The following PCM1 variants were observed in gnomAD, a reference collection of about 807,000 sequenced individuals.
The protein encoded by PCM1 is pericentriolar material 1.
Under a neutral mutation model 241.9 loss-of-function variants are expected in PCM1, and 157 were observed. That is an observed-to-expected ratio of 0.65 (90% CI 0.57 to 0.74). PCM1 has a LOEUF of 0.74. Ranked by LOEUF, PCM1 falls within the 30% of genes least tolerant of loss-of-function variation. The pLI, the probability that PCM1 is intolerant of heterozygous loss-of-function variation, is 0.00. For synonymous variants in PCM1, 1,085 were observed against 784.9 expected (o/e 1.38, Z -6.39); for missense variants, 3,478 against 2,360.1 (o/e 1.47, Z -9.81).
chr8:17,985,712 T>A, intron 25 of PCM1, 93 bp downstream of exon 25: 1 of 1,004,922 alleles, frequency 1.0e-6, no homozygotes, highest in South Asian at 1.6e-5. Context: ...ATGTGCCATA[T>A]GAATTTTCAT....
chr8:17,931,830 G>A (rs2059129421), intron 2 of PCM1, among the ~76,000 whole-genome samples: 1 of 151,808 alleles, frequency 6.6e-6, no homozygotes, highest in African/African-American at 2.4e-5. Flanking sequence ...AGTCATTTTG[G>A]TTCACTGGAT....
At position 18,010,632 on chromosome 8, in the gene PCM1, T is replaced by C; in HGVS notation, c.5184T>C (p.His1728=). ...AGGCTAAAAGGATTCTTGAAGATCA[T>C]GGCTCACCTGCTGGAGAGATTGATG... The part of the protein sequence containing the change: ...AKEAKRILED[H]GSPAGEIDDE... Residue 1728 remains histidine (H), a synonymous_variant, in exon 32 of 39, where the codon CAT becomes CAC. Coordinates refer to ENST00000325083, the MANE Select transcript of PCM1 (RefSeq NM_006197.4). 1 of 1,605,204 alleles carries C rather than the reference T, an allele frequency of 6.2e-7. No homozygotes were observed. Among genetic ancestry groups the C allele is most frequent in the Non-Finnish European group, 8.5e-7 (1 of 1,175,712 alleles).
At chr8:17,970,174 A>G (rs1484045603) in intron 22 of PCM1, among the ~76,000 whole-genome samples, 1 of 152,102 alleles carries the variant, frequency 6.6e-6, no homozygotes, top group Non-Finnish European at 1.5e-5. Context: ...TATAAAAACA[A>G]CTTTTGTCTC....
At position 17,938,860 on chromosome 8, in the gene PCM1, G is replaced by T. The variant is rs1415465268; in HGVS notation, c.463G>T (p.Asp155Tyr). ...GCAGATTAATACTAACAAGAGCAAA[G>T]ATGCATCTACAAACCCCCCAAACAG... Reference protein sequence around the residue: ...PMQINTNKSKDASTNPPNRET... With the variant: ...PMQINTNKSKYASTNPPNRET... Residue 155 changes from aspartate (D) to tyrosine (Y), a missense_variant, in exon 5 of 39, where the codon GAT becomes TAT. Physicochemically the swap from Asp to Tyr is radical, Grantham distance 160. Transcript: ENST00000325083. 1 of 1,613,580 alleles carries T rather than the reference G, an allele frequency of 6.2e-7. No individual in the cohort carries two copies. The highest frequency in any genetic ancestry group is 8.5e-7 in the Non-Finnish European group (1 of 1,179,626).
At chr8:17,996,573 T>C (rs1466739003) in intron 29 of PCM1, among the ~76,000 whole-genome samples, 1 of 152,196 alleles carries the variant, frequency 6.6e-6, no homozygotes, top group Non-Finnish European at 1.5e-5. Context: ...TTTTGTATTT[T>C]ATTTCAATTT....
At chr8:17,967,436 G>C (rs1167192641) in intron 21 of PCM1, among the ~76,000 whole-genome samples, 1 of 151,930 alleles carries the variant, frequency 6.6e-6, no homozygotes, top group Non-Finnish European at 1.5e-5. Flanking sequence ...AGCTTCCTAA[G>C]TAGCTGGGAT....
At position 17,943,763 on chromosome 8, in the gene PCM1, T is replaced by C. The variant is rs1225072710; in HGVS notation, c.784-3423T>C. Reference sequence around the variant, plus strand: ...ATTCTCACCACCTGTGTTTATTTTTTTCTCTACTCTGCAGGAACTGTCATT... The same window carrying C: ...ATTCTCACCACCTGTGTTTATTTTTCTCTCTACTCTGCAGGAACTGTCATT... On this transcript the variant is annotated intron_variant, in intron 6 of 38. Transcript: ENST00000325083. Among the ~76,000 whole-genome samples, 3 of 152,198 alleles carry C rather than the reference T, an allele frequency of 2.0e-5. No individual in the cohort carries two copies. The East Asian group carries it at 5.8e-4, about 29-fold the overall frequency.
In PCM1 at chr8:18,009,590, G is replaced by A. The variant is rs2092137493; in HGVS notation, c.5006G>A (p.Gly1669Glu). Residue 1669 changes from glycine to glutamate, a missense_variant, in exon 31 of 39, where the codon GGA (glycine) becomes GAA (glutamate). Gly to Glu is a moderately conservative substitution (Grantham distance 98, BLOSUM62 -2). Coordinates refer to ENST00000325083, the MANE Select transcript of PCM1 (RefSeq NM_006197.4). Reference sequence around the variant, plus strand: ...GCTGGCAGAAAACTGAAAGACTGTGGAGAAGATCTTCTTGTAGAGATATCT... The same window carrying A: ...GCTGGCAGAAAACTGAAAGACTGTGAAGAAGATCTTCTTGTAGAGATATCT... Reference protein sequence around the residue: ...KFAGRKLKDCGEDLLVEISEV... With the variant: ...KFAGRKLKDCEEDLLVEISEV... 1 of 1,603,066 alleles carries A rather than the reference G, an allele frequency of 6.2e-7. No individual in the cohort carries two copies. The highest frequency in any genetic ancestry group is 1.7e-5 in the Admixed American group (1 of 58,548).
intron 33 of PCM1, 75 bp from the exon 34 acceptor site, chr8:18,011,592 G>A: frequency 1.5e-6 from 2 of 1,339,350 alleles, no homozygotes; most frequent in Non-Finnish European, 1.0e-6. Context: ...GTGCCATGCA[G>A]GAATGCAGTA....
intron 21 of PCM1, 127 bp downstream of exon 21, chr8:17,967,297 T>C: frequency 1.6e-6 from 1 of 644,054 alleles, no homozygotes; most frequent in Middle Eastern, 3.9e-4. Context: ...CAAAGAAAGT[T>C]ACAAACTCTT....
At chr8:17,999,018 G>C (rs1388839449) in intron 29 of PCM1, among the ~76,000 whole-genome samples, 1 of 152,028 alleles carries the variant, frequency 6.6e-6, no homozygotes, top group Non-Finnish European at 1.5e-5. Context: ...GGTGAATGCT[G>C]CCAGGCCTGG....
intron 24 of PCM1, chr8:17,982,428 G>C (rs1303324881): frequency 6.6e-6 from 1 of 151,982 alleles, no homozygotes; most frequent in Non-Finnish European, 1.5e-5. Flanking sequence ...TTGAATTTTG[G>C]TGAATTAAAA....
intron 27 of PCM1, among the ~76,000 whole-genome samples, chr8:17,990,479 G>C (rs369608638): frequency 2.1e-5 from 3 of 146,164 alleles, no homozygotes; most frequent in Non-Finnish European, 4.5e-5. Flanking sequence ...TTTTTTGTTT[G>C]TTTGGGTTTT....
Position 17,985,556 on chromosome 8 carries a change from C to T in PCM1, c.4218C>T (p.Leu1406=), listed in dbSNP as rs1587838084. The change falls in exon 25 of 39, where the codon CTC becomes CTT. Residue 1406 remains leucine, a synonymous_variant. Coordinates refer to ENST00000325083, the MANE Select transcript of PCM1 (RefSeq NM_006197.4). ...CTCGTCCACATTTTCTTATTGAACT[C>T]TTCCATGAGCTGCAGCTACTAAACA... The part of the protein sequence containing the change: ...NESRPHFLIE[L]FHELQLLNTD... The T allele has an allele frequency of 1.2e-6, 2 of 1,604,098 alleles. No homozygotes were observed. Among genetic ancestry groups the T allele is most frequent in the African/African-American group, 2.7e-5 (2 of 74,860 alleles).
Position 18,005,423 on chromosome 8 carries a change from A to G in PCM1, c.4828-840A>G, listed in dbSNP as rs985266449. On this transcript the variant is annotated intron_variant, in intron 29 of 38. Coordinates refer to ENST00000325083, the MANE Select transcript of PCM1 (RefSeq NM_006197.4). The stretch of plus-strand genomic sequence containing the variant: ...TATTTTAAATGAGCTTAAGTCTGAG[A>G]GGGGACCTTGAACATCTAGTTTGGC... 5.3e-5 allele frequency among the ~76,000 whole-genome samples: 8 copies of G among 150,266 alleles called. No homozygotes were observed. The East Asian group carries it at 1.4e-3, about 26-fold the overall frequency.
chr8:17,987,462 C>A (rs1209664046), intron 26 of PCM1, among the ~76,000 whole-genome samples: 1 of 151,684 alleles, frequency 6.6e-6, no homozygotes, highest in Non-Finnish European at 1.5e-5. Flanking sequence ...TGGTTTGCAC[C>A]ATCGATAGCA....
intron 6 of PCM1, 76 bp downstream of exon 6, chr8:17,939,937 C>T: frequency 9.1e-7 from 1 of 1,098,880 alleles, no homozygotes; most frequent in Non-Finnish European, 1.3e-6. Context: ...CATTCTGATG[C>T]CACCCCAGAG....
At chr8:17,963,362 C>T (rs1377228711) in intron 17 of PCM1, 71 bp downstream of exon 17, 3 of 1,091,774 alleles carry the variant, frequency 2.7e-6, no homozygotes, top group Admixed American at 5.2e-5. Flanking sequence ...GCTAGGCAGC[C>T]ACATTTCTCC....
At chr8:17,957,979 C>A (rs966217031) in intron 13 of PCM1, among the ~76,000 whole-genome samples, 1 of 152,106 alleles carries the variant, frequency 6.6e-6, no homozygotes, top group Non-Finnish European at 1.5e-5. Flanking sequence ...TAGATAGTTG[C>A]GGCTTTGTGG....
Sources: allele counts gnomAD v4.1 joint callset (sites outside exome capture counted in the v4.1 genomes callset), GRCh38; gene constraint gnomAD v4.1.1; transcripts MANE v1.5; gene names NCBI Gene and HGNC (gene_info 2026-07-23, HGNC 2026-07-21).